Variants in GAP43 observed in about 807,000 individuals in gnomAD.
The protein encoded by GAP43 is growth associated protein 43.
In GAP43, 6 loss-of-function variants were observed where a neutral mutation model predicts 18.6. That is an observed-to-expected ratio of 0.32 (90% CI 0.18 to 0.64). The LOEUF (loss-of-function observed/expected upper bound fraction) is 0.64, where lower values mean the gene tolerates loss of function less well. Among genes scored for constraint, GAP43 ranks in the 30% least tolerant of loss-of-function variants. The probability of loss-of-function intolerance (pLI) is 0.78; values close to 1 mark genes in which losing one functional copy is unlikely to be tolerated. For missense variants in GAP43, 292 were observed against 295.5 expected, an observed-to-expected ratio of 0.99 and a Z score of 0.09; for synonymous variants, 115 against 111.4, an observed-to-expected ratio of 1.03 and a Z score of -0.20.
At chr3:115,683,159 A>G (rs773375110) in intron 2 of GAP43, among the ~76,000 whole-genome samples, 7,058 of 147,634 alleles carry the variant, frequency 0.048, 293 homozygotes, top group Non-Finnish European at 0.065. Context: ...ACACACACAC[A>G]CACACACACA....
Position 115,652,356 on chromosome 3 carries a change from C to CTTTTTTTTTTTTT in GAP43, c.31-23640_31-23628dup, listed in dbSNP as rs71141831. The stretch of plus-strand genomic sequence containing the variant: ...TTCCTGATGATTCTTATCCAGCATT[C>CTTTTTTTTTTTTT]TTTTTTTTTTTTTTTTTTTTTTTTT... On this transcript the variant is annotated intron_variant, in intron 1 of 2. Transcript: ENST00000305124. Among the ~76,000 whole-genome samples, 72 of 43,808 alleles carry CTTTTTTTTTTTTT rather than the reference C, an allele frequency of 1.6e-3. 19 individuals carry two copies. Among genetic ancestry groups the CTTTTTTTTTTTTT allele is most frequent in the East Asian group, 3.6e-3 (4 of 1,104 alleles). The allele number at this position is 43,808 out of a possible 152,430, so 28.7% of individuals were successfully genotyped here.
chr3:115,680,712 G>A (rs1708949962), intron 2 of GAP43, among the ~76,000 whole-genome samples: 2 of 152,132 alleles, frequency 1.3e-5, no homozygotes, highest in South Asian at 4.1e-4. Flanking sequence ...TGCATATAAT[G>A]TATGTCCTGA....
At chr3:115,683,145 G>GCACACACACA (rs1391349178) in intron 2 of GAP43, among the ~76,000 whole-genome samples, 4 of 105,486 alleles carry the variant, frequency 3.8e-5, no homozygotes, top group Non-Finnish European at 8.6e-5. Flanking sequence ...GCGCGCGCGC[G>GCACACACACA]CGCACACACA....
intron 1 of GAP43, among the ~76,000 whole-genome samples, chr3:115,629,408 C>CTT (rs35316613): frequency 0.024 from 3,436 of 144,678 alleles, 118 homozygotes; most frequent in African/African-American, 0.076. Context: ...CCCCCCTGCT[C>CTT]TTTTTTTTTT....
chr3:115,637,128 T>C (rs1179842085), intron 1 of GAP43, among the ~76,000 whole-genome samples: 1 of 152,054 alleles, frequency 6.6e-6, no homozygotes, highest in Non-Finnish European at 1.5e-5. Flanking sequence ...CAGTTCTCCA[T>C]GACCTGTTTT....
intron 1 of GAP43, among the ~76,000 whole-genome samples, chr3:115,633,318 G>C (rs1708287074): frequency 6.6e-6 from 1 of 152,100 alleles, no homozygotes; most frequent in African/African-American, 2.4e-5. Context: ...AACTGCCACA[G>C]GGCCGATATC....
intron 1 of GAP43, among the ~76,000 whole-genome samples, chr3:115,647,719 CAACAAA>C (rs1233676807): frequency 6.4e-5 from 8 of 125,150 alleles, no homozygotes; most frequent in Middle Eastern, 3.6e-3. Context: ...AAACCATAGC[CAACAAA>C]AACAAAAACA....
chr3:115,675,208 A>T (rs1450114064), intron 1 of GAP43, among the ~76,000 whole-genome samples: 1 of 152,136 alleles, frequency 6.6e-6, no homozygotes, highest in Non-Finnish European at 1.5e-5. Context: ...AGTAGCCAGG[A>T]CCACTGGTGC....
At chr3:115,642,781 T>C (rs186305474) in intron 1 of GAP43, among the ~76,000 whole-genome samples, 3 of 152,086 alleles carry the variant, frequency 2.0e-5, no homozygotes, top group Non-Finnish European at 4.4e-5. Context: ...TTACTTGTTA[T>C]TGTTGATGCT....
intron 1 of GAP43, among the ~76,000 whole-genome samples, chr3:115,664,942 A>G (rs1708714651): frequency 6.6e-6 from 1 of 152,164 alleles, no homozygotes; most frequent in Non-Finnish European, 1.5e-5. Context: ...AGAATACAAC[A>G]ACATACCTTC....
intron 2 of GAP43, among the ~76,000 whole-genome samples, chr3:115,683,145 GCGCA>G (rs75168454): frequency 0.038 from 4,026 of 105,446 alleles, 83 homozygotes; most frequent in East Asian, 0.078. Flanking sequence ...GCGCGCGCGC[GCGCA>G]CACACACACA....
chr3:115,638,542 C>T (rs1234137475), intron 1 of GAP43, among the ~76,000 whole-genome samples: 2 of 150,286 alleles, frequency 1.3e-5, no homozygotes, highest in Admixed American at 1.3e-4. Flanking sequence ...TTGGGATGCT[C>T]TCAATCTGAT....
At chr3:115,706,132 C>A (rs1264752686) in intron 2 of GAP43, among the ~76,000 whole-genome samples, 1 of 152,054 alleles carries the variant, frequency 6.6e-6, no homozygotes, top group Non-Finnish European at 1.5e-5. Context: ...TCATCATATG[C>A]CTGTCCCCAA....
At chr3:115,634,908 G>C (rs899830940) in intron 1 of GAP43, among the ~76,000 whole-genome samples, 1 of 152,174 alleles carries the variant, frequency 6.6e-6, no homozygotes, top group African/African-American at 2.4e-5. Flanking sequence ...TTCCAGTGGG[G>C]AAAGGAATAA....
chr3:115,691,216 C>T (rs1356231501), intron 2 of GAP43, among the ~76,000 whole-genome samples: 7 of 152,090 alleles, frequency 4.6e-5, no homozygotes, highest in African/African-American at 1.4e-4. Flanking sequence ...ATTTTGTATT[C>T]GAAGTAATAC....
chr3:115,654,359 A>G (rs974003792), intron 1 of GAP43, among the ~76,000 whole-genome samples: 4 of 152,230 alleles, frequency 2.6e-5, no homozygotes, highest in African/African-American at 9.6e-5. Context: ...CTCTGGAGAA[A>G]GATACTTAGA....
chr3:115,672,415 TC>T (rs1708823609), intron 1 of GAP43, among the ~76,000 whole-genome samples: 1 of 152,204 alleles, frequency 6.6e-6, no homozygotes, highest in Admixed American at 6.5e-5. Context: ...TGGGAAATGT[TC>T]TTTTTCTCCT....
Position 115,676,054 on chromosome 3 carries a change from T to C in GAP43, c.72T>C (p.Gly24=), listed in dbSNP as rs139764193. The C allele has an allele frequency of 1.8e-4, 287 of 1,613,312 alleles. No homozygotes were observed. The highest frequency in any genetic ancestry group is 2.3e-4 in the Non-Finnish European group (276 of 1,179,920). The change falls in exon 2 of 3, where the codon GGT becomes GGC. Residue 24 remains glycine (G), a synonymous_variant. Transcript: ENST00000305124. ...ACGACCAAAAGATTGAACAAGATGG[T>C]ATCAAACCAGAAGATAAAGCTCATA... ...NDDDQKIEQD[G]IKPEDKAHKA... is the part of the protein sequence containing the mutation.
intron 2 of GAP43, among the ~76,000 whole-genome samples, chr3:115,706,369 C>T: frequency 6.8e-6 from 1 of 147,854 alleles, no homozygotes; most frequent in East Asian, 2.1e-4. Flanking sequence ...TGTAACTTGC[C>T]TATTGGATGC....
Sources: gnomAD v4.1 joint callset for allele counts (sites outside exome capture counted in the v4.1 genomes callset) on GRCh38, gnomAD v4.1.1 for gene constraint, MANE v1.5 for transcripts, NCBI Gene and HGNC (gene_info 2026-07-23, HGNC 2026-07-21) for gene names.